LAMA2: variants seen among roughly 807,000 people sequenced by gnomAD.
The protein encoded by LAMA2 is laminin subunit alpha-2.
In LAMA2, 269 loss-of-function variants were observed where a neutral mutation model predicts 364.8. The ratio of observed to expected loss-of-function variants is 0.74; its 90% CI spans 0.67 to 0.82. The LOEUF is 0.82. Among genes scored for constraint, LAMA2 ranks in the 40% least tolerant of loss-of-function variants. LAMA2 has a pLI of 0.00. For synonymous variants in LAMA2, 1,379 were observed against 1,370.6 expected, an observed-to-expected ratio of 1.01 and a Z score of -0.14; for missense variants, 3,807 against 3,873.2, an observed-to-expected ratio of 0.98 and a Z score of 0.45.
At chr6:129,156,451 T>G (rs925273926) in intron 8 of LAMA2, among the ~76,000 whole-genome samples, 1 of 152,002 alleles carries the variant, frequency 6.6e-6, no homozygotes, top group African/African-American at 2.4e-5. Flanking sequence ...TTTAAATAAT[T>G]TTCCAATTAT....
At chr6:129,046,587 A>G (rs1219513750) in intron 1 of LAMA2, among the ~76,000 whole-genome samples, 1 of 152,236 alleles carries the variant, frequency 6.6e-6, no homozygotes. Flanking sequence ...CTACAATTCA[A>G]GATGAGATTT....
intron 37 of LAMA2, among the ~76,000 whole-genome samples, chr6:129,398,474 T>TTC (rs1213527973): frequency 7.0e-6 from 1 of 142,356 alleles, no homozygotes; most frequent in African/African-American, 2.6e-5. Context: ...TTTCTTTTCT[T>TTC]TTTTTTTTTT....
intron 1 of LAMA2, among the ~76,000 whole-genome samples, chr6:129,031,050 A>G (rs1786185125): frequency 6.6e-6 from 1 of 152,182 alleles, no homozygotes; most frequent in African/African-American, 2.4e-5. Context: ...ATGACTGTAA[A>G]ATGCTGACTT....
intron 1 of LAMA2, among the ~76,000 whole-genome samples, chr6:128,917,559 C>G (rs1174720716): frequency 6.6e-6 from 1 of 152,080 alleles, no homozygotes; most frequent in Non-Finnish European, 1.5e-5. Context: ...AAGAGCTTCA[C>G]ATCAGCACTA....
intron 40 of LAMA2, among the ~76,000 whole-genome samples, chr6:129,407,063 A>G (rs9402121): frequency 0.5 from 76,255 of 151,746 alleles, 19,635 homozygotes; most frequent in African/African-American, 0.62. Context: ...CAGAAGATCT[A>G]CTCTTTCCAC....
chr6:128,898,782 A>G (rs1353883790), intron 1 of LAMA2, among the ~76,000 whole-genome samples: 5 of 152,248 alleles, frequency 3.3e-5, no homozygotes, highest in Non-Finnish European at 5.9e-5. Flanking sequence ...TTTTAAGTCT[A>G]TTCATGACAG....
chr6:129,149,155 G>T (rs1265821950), intron 7 of LAMA2, 59 bp downstream of exon 7: 1 of 1,098,804 alleles, frequency 9.1e-7, no homozygotes, highest in Non-Finnish European at 1.4e-6. Context: ...AAAAAAGCCA[G>T]TAATGAAAAA....
intron 1 of LAMA2, among the ~76,000 whole-genome samples, chr6:128,957,799 G>C (rs1260432449): frequency 7.9e-6 from 1 of 126,614 alleles, no homozygotes; most frequent in Admixed American, 8.2e-5. Flanking sequence ...TTTAAGTATA[G>C]TTTGGAGTAT....
intron 1 of LAMA2, among the ~76,000 whole-genome samples, chr6:128,954,834 C>T (rs923963790): frequency 7.2e-5 from 11 of 151,836 alleles, no homozygotes; most frequent in African/African-American, 2.4e-4. Flanking sequence ...TAAGATAAGC[C>T]TGTGCCTGTT....
intron 12 of LAMA2, among the ~76,000 whole-genome samples, chr6:129,223,356 A>G (rs567909738): frequency 1.3e-5 from 2 of 152,038 alleles, no homozygotes; most frequent in South Asian, 2.1e-4. Context: ...ATTAGATCCC[A>G]TTTGTCAACT....
rs898294730 is a variant in LAMA2 at position 129,507,705 on chromosome 6, A to G, written c.8857+63A>G. On this transcript the variant is annotated intron_variant, in intron 62 of 64. Coordinates refer to ENST00000421865, the MANE Select transcript of LAMA2 (RefSeq NM_000426.4). ...TAGATACAAATACTAACTTCTTGCT[A>G]GTACCAAATAATAAAAGTTCCTAGA... The G allele has an allele frequency of 9.3e-6, 14 of 1,510,376 alleles. No homozygotes were observed. In the African/African-American group the frequency reaches 1.8e-4, roughly 19 times the overall value. 93.6% of individuals were successfully genotyped at this position (1,510,376 alleles called of 1,614,324 possible).
chr6:129,384,500 A>G (rs1328810108), intron 35 of LAMA2, among the ~76,000 whole-genome samples: 1 of 152,190 alleles, frequency 6.6e-6, no homozygotes, highest in Non-Finnish European at 1.5e-5. Flanking sequence ...ATGCTAGCAT[A>G]TGTTTTAGTA....
chr6:129,496,153 TTTTGTTTG>T (rs377440882), intron 58 of LAMA2, among the ~76,000 whole-genome samples: 1 of 152,030 alleles, frequency 6.6e-6, no homozygotes, highest in African/African-American at 2.4e-5. Context: ...TTCACCTTCT[TTTTGTTTG>T]TTTGTTTGTT....
chr6:129,261,434 C>T (rs896294307), intron 15 of LAMA2, among the ~76,000 whole-genome samples: 9 of 152,088 alleles, frequency 5.9e-5, no homozygotes, highest in African/African-American at 2.2e-4. Flanking sequence ...TACTTAATAC[C>T]GCAGTGTGTC....
At chr6:129,050,859 C>G (rs1209023895) in intron 2 of LAMA2, among the ~76,000 whole-genome samples, 1 of 152,134 alleles carries the variant, frequency 6.6e-6, no homozygotes, top group Non-Finnish European at 1.5e-5. Flanking sequence ...ATGTAAAGCC[C>G]TCTTTCCAGC....
At chr6:128,987,165 GTCTC>G (rs1202401686) in intron 1 of LAMA2, among the ~76,000 whole-genome samples, 4 of 123,598 alleles carry the variant, frequency 3.2e-5, no homozygotes, top group Non-Finnish European at 6.5e-5. Flanking sequence ...TTGAGGCAGA[GTCTC>G]TCTCTGTCAC....
chr6:129,146,227 A>G (rs969091587), intron 5 of LAMA2, among the ~76,000 whole-genome samples: 3 of 151,956 alleles, frequency 2.0e-5, no homozygotes, highest in Non-Finnish European at 2.9e-5. Flanking sequence ...TTTGAATATG[A>G]TAATGTAAAG....
intron 2 of LAMA2, among the ~76,000 whole-genome samples, chr6:129,055,282 C>T (rs1788410251): frequency 2.0e-5 from 3 of 151,602 alleles, no homozygotes; most frequent in Non-Finnish European, 4.4e-5. Context: ...ACCTTCGCCT[C>T]CCAGGTTCAA....
rs558717540 is a variant in LAMA2, at chr6:128,885,830, A to G, written c.112+2473A>G. Reference sequence around the variant, plus strand: ...TTTCTATAGCATACTCGATTGTAGTATGAATAGCATTGATTCAGCAAGAAT... The same window carrying G: ...TTTCTATAGCATACTCGATTGTAGTGTGAATAGCATTGATTCAGCAAGAAT... On this transcript the variant is annotated intron_variant, in intron 1 of 64. Coordinates refer to ENST00000421865, the MANE Select transcript of LAMA2 (RefSeq NM_000426.4). 2.0e-5 allele frequency among the ~76,000 whole-genome samples: 3 copies of G among 152,328 alleles called. No individual in the cohort carries two copies. In the South Asian group the frequency reaches 6.2e-4, roughly 32 times the overall value.
Sources: allele counts gnomAD v4.1 joint callset (sites outside exome capture counted in the v4.1 genomes callset), GRCh38; gene constraint gnomAD v4.1.1; transcripts MANE v1.5; gene names NCBI Gene and HGNC (gene_info 2026-07-23, HGNC 2026-07-21).